The following MAP7 variants were observed in gnomAD, a reference collection of about 807,000 sequenced individuals.
MAP7 encodes the protein microtubule associated protein 7.
MAP7 carries 52 observed loss-of-function variants against 94.8 expected under a neutral mutation model. The observed-to-expected ratio is 0.55, with a 90% CI of 0.44 to 0.69. MAP7 has a LOEUF of 0.69. MAP7 is among the 30% of genes least tolerant of loss of function. The pLI is 0.00. For missense variants in MAP7, 940 were observed against 964.6 expected (o/e 0.97, Z 0.34); for synonymous variants, 350 against 357.0 (o/e 0.98, Z 0.22).
chr6:136,482,948 G>C (rs1427280752), intron 1 of MAP7, among the ~76,000 whole-genome samples: 1 of 152,112 alleles, frequency 6.6e-6, no homozygotes. Context: ...GTTGTATGCA[G>C]TGTCTATTTG....
chr6:136,480,252 T>C (rs969993354), intron 1 of MAP7, among the ~76,000 whole-genome samples: 3 of 152,070 alleles, frequency 2.0e-5, no homozygotes, highest in Non-Finnish European at 4.4e-5. Context: ...AAAAGGACTG[T>C]CTCTTCAATA....
At position 136,361,234 on chromosome 6, in the gene MAP7, A is replaced by C. The variant is rs966552664; in HGVS notation, c.1527-55T>G. On this transcript the variant is annotated intron_variant, in intron 11 of 17. Transcript: ENST00000354570. ...AAAGACACCTGAGGAGAAATCTTTG[A>C]AGAGAGGCCTCCGTCGGTGGTTCTG... The C allele has an allele frequency of 2.5e-6, 4 of 1,581,102 alleles. No homozygotes were observed. In the Admixed American group the frequency reaches 6.8e-5, roughly 27 times the overall value.
chr6:136,529,814 C>T (rs1828325626), intron 1 of MAP7, among the ~76,000 whole-genome samples: 1 of 152,184 alleles, frequency 6.6e-6, no homozygotes, highest in Non-Finnish European at 1.5e-5. Flanking sequence ...GCCCCACCCG[C>T]TTGGTCCACA....
At chr6:136,451,767 A>G (rs1297783887) in intron 1 of MAP7, among the ~76,000 whole-genome samples, 4 of 152,234 alleles carry the variant, frequency 2.6e-5, no homozygotes, top group African/African-American at 4.8e-5. Context: ...AGTTGAGAAG[A>G]TGATTCCAAA....
At chr6:136,465,570 C>G (rs915437610) in intron 1 of MAP7, among the ~76,000 whole-genome samples, 2 of 152,138 alleles carry the variant, frequency 1.3e-5, no homozygotes, top group African/African-American at 4.8e-5. Context: ...CATTTTTACT[C>G]TTCTTTAATG....
intron 15 of MAP7, among the ~76,000 whole-genome samples, chr6:136,359,008 C>T (rs1791769870): frequency 6.6e-6 from 1 of 152,146 alleles, no homozygotes; most frequent in African/African-American, 2.4e-5. Context: ...TGCTTGTTGA[C>T]TCAAAGACAA....
chr6:136,352,361 G>C (rs1789494754), intron 16 of MAP7, among the ~76,000 whole-genome samples: 1 of 151,938 alleles, frequency 6.6e-6, no homozygotes, highest in Admixed American at 6.6e-5. Flanking sequence ...CTAACTTTTT[G>C]TATTTTTAGT....
At chr6:136,378,669 G>A (rs1010770416) in intron 6 of MAP7, among the ~76,000 whole-genome samples, 3 of 152,168 alleles carry the variant, frequency 2.0e-5, no homozygotes, top group African/African-American at 7.2e-5. Context: ...ACGCAATGAT[G>A]TATGGTCCCA....
chr6:136,521,759 G>A (rs1009163286), intron 1 of MAP7, among the ~76,000 whole-genome samples: 9 of 152,196 alleles, frequency 5.9e-5, no homozygotes, highest in Non-Finnish European at 1.0e-4. Flanking sequence ...TAAGGTCTGT[G>A]TGAGCTTCCA....
chr6:136,517,102 T>C (rs1019766676), intron 1 of MAP7, among the ~76,000 whole-genome samples: 1 of 152,312 alleles, frequency 6.6e-6, no homozygotes, highest in Non-Finnish European at 1.5e-5. Context: ...CCCTTAATCA[T>C]ATTTAAAATA....
At chr6:136,457,454 C>G (rs866865705) in intron 1 of MAP7, among the ~76,000 whole-genome samples, 1 of 152,138 alleles carries the variant, frequency 6.6e-6, no homozygotes. Context: ...AGGGAACACT[C>G]TTGAACTCAA....
rs750594165 is a variant in MAP7 at position 136,361,061 on chromosome 6, GC to G, written c.1644del (p.Gln549ArgfsTer59). 1 of 1,598,110 alleles carries G rather than the reference GC, an allele frequency of 6.3e-7. No individual in the cohort carries two copies. The highest frequency in any genetic ancestry group is 1.7e-5 in the Admixed American group (1 of 59,132). On this transcript the variant is annotated frameshift_variant, in exon 12 of 18. Transcript: ENST00000354570. LOFTEE classifies it high-confidence loss of function. ...QAREKEEQLQ[R>X]QAEERALRER... ...TCGCGCAGCGCCCGCTCCTCCGCCT[GC>G]CGCTGCAGCTGCTCCTCCTTCTCCC...
intron 1 of MAP7, among the ~76,000 whole-genome samples, chr6:136,535,711 T>C (rs1223529424): frequency 6.7e-6 from 1 of 148,942 alleles, no homozygotes; most frequent in Non-Finnish European, 1.5e-5. Flanking sequence ...AAGCTTTTTT[T>C]TTCTTTTTTT....
intron 1 of MAP7, among the ~76,000 whole-genome samples, chr6:136,508,618 C>T (rs1340138648): frequency 6.6e-6 from 1 of 152,156 alleles, no homozygotes; most frequent in African/African-American, 2.4e-5. Flanking sequence ...TTCTAAGTCT[C>T]ATAAACTGTA....
chr6:136,466,085 G>C (rs1012923082), intron 1 of MAP7, among the ~76,000 whole-genome samples: 6 of 152,100 alleles, frequency 3.9e-5, no homozygotes, highest in Non-Finnish European at 5.9e-5. Flanking sequence ...TCTCTGTAAA[G>C]CCCATGTGTG....
At chr6:136,536,984 T>C (rs1175259198) in intron 1 of MAP7, among the ~76,000 whole-genome samples, 1 of 152,238 alleles carries the variant, frequency 6.6e-6, no homozygotes, top group African/African-American at 2.4e-5. Flanking sequence ...GCATTTCATA[T>C]ACAGGCCTTC....
chr6:136,411,691 G>A lies in MAP7; in HGVS notation c.173C>T (p.Pro58Leu), dbSNP rs143250781. Reference sequence around the variant, plus strand: ...CCGGTCATCAACACGTAACACAGGCGGAGGGTCTGAAAGCGAGATTAAAAA... The same window carrying A: ...CCGGTCATCAACACGTAACACAGGCAGAGGGTCTGAAAGCGAGATTAAAAA... ...NNHSGNKPDP[P>L]PVLRVDDRQR... The change falls in exon 3 of 18, where the codon CCG becomes CTG. Residue 58 changes from proline (P) to leucine (L), a missense_variant. Coordinates refer to ENST00000354570, the MANE Select transcript of MAP7 (RefSeq NM_003980.6). The A allele has an allele frequency of 1.3e-5, 20 of 1,563,690 alleles. No homozygotes were observed. The highest frequency in any genetic ancestry group is 1.9e-5 in the Admixed American group (1 of 53,382).
At chr6:136,402,986 C>T (rs1178239740) in intron 3 of MAP7, among the ~76,000 whole-genome samples, 1 of 148,734 alleles carries the variant, frequency 6.7e-6, no homozygotes, top group African/African-American at 2.5e-5. Flanking sequence ...AGGGCTAGGC[C>T]TAAAGGAATG....
intron 1 of MAP7, among the ~76,000 whole-genome samples, chr6:136,429,451 G>A (rs1459974194): frequency 2.0e-5 from 3 of 152,158 alleles, no homozygotes; most frequent in Non-Finnish European, 4.4e-5. Context: ...AGCCTCTGCT[G>A]GTAACATCAG....
Sources: gnomAD v4.1 joint callset for allele counts (sites outside exome capture counted in the v4.1 genomes callset) on GRCh38, gnomAD v4.1.1 for gene constraint, MANE v1.5 for transcripts, NCBI Gene and HGNC (gene_info 2026-07-23, HGNC 2026-07-21) for gene names.